The following IMPA1 variants were observed in gnomAD, a reference collection of about 807,000 sequenced individuals.
IMPA1 encodes the protein inositol monophosphatase 1.
IMPA1 carries 21 observed loss-of-function variants against 34.9 expected under a neutral mutation model. The observed-to-expected ratio is 0.60, with a 90% CI of 0.43 to 0.87. IMPA1 has a LOEUF of 0.87. IMPA1 is among the 40% of genes least tolerant of loss of function. The probability of loss-of-function intolerance (pLI) is 0.00; values close to 1 mark genes in which losing one functional copy is unlikely to be tolerated. For missense variants in IMPA1, 299 were observed against 336.4 expected (o/e 0.89, Z 0.87); for synonymous variants, 95 against 104.4 (o/e 0.91, Z 0.55).
In IMPA1 at chr8:81,674,491, G is replaced by C. The variant is rs577174393; in HGVS notation, c.349-542C>G. 40 of 250,286 alleles carry C rather than the reference G, an allele frequency of 1.6e-4. No individual in the cohort carries two copies. In the South Asian group the frequency reaches 1.7e-3, roughly 11 times the overall value. The allele number at this position is 250,286 out of a possible 1,614,324, so 15.5% of individuals were successfully genotyped here. A position where few individuals can be genotyped will look rare whatever the true frequency, so the allele number is the denominator to read the frequency against. ...CATTCTTCTGAAAGTCCCACAAAGAGAGTATCAACAAACTTTCTTTGTTGC... is the reference window on the plus strand; with the variant it reads ...CATTCTTCTGAAAGTCCCACAAAGACAGTATCAACAAACTTTCTTTGTTGC... On this transcript the variant is annotated intron_variant, in intron 5 of 8. Transcript: ENST00000256108.
chr8:81,683,634 T>TAA (rs1807369166), intron 1 of IMPA1, among the ~76,000 whole-genome samples: 2 of 151,968 alleles, frequency 1.3e-5, no homozygotes, highest in South Asian at 4.2e-4. Context: ...GATCAGGAGT[T>TAA]TAATTAGCGG....
At chr8:81,676,077 C>T (rs1807122308) in intron 5 of IMPA1, among the ~76,000 whole-genome samples, 157 bp downstream of exon 5, 1 of 152,116 alleles carries the variant, frequency 6.6e-6, no homozygotes, top group African/African-American at 2.4e-5. Flanking sequence ...GCAAATGTAT[C>T]ATGAAAATTT....
In IMPA1 at chr8:81,673,962, A is replaced by G. The variant is rs1438749499; in HGVS notation, c.349-13T>C. 2.0e-6 allele frequency: 3 copies of G among 1,530,022 alleles called. No homozygotes were observed. Among genetic ancestry groups the G allele is most frequent in the African/African-American group, 1.4e-5 (1 of 73,310 alleles). The allele number at this position is 1,530,022 out of a possible 1,614,324, so 94.8% of individuals were successfully genotyped here. On this transcript the variant is annotated splice_polypyrimidine_tract_variant and intron_variant, in intron 5 of 8. Transcript: ENST00000256108. Reference sequence around the variant, plus strand: ...CTCCAAATTCTATCTGCAGAGGAAAACAAGTTTCCTTTACCAAACCTAAGT... The same window carrying G: ...CTCCAAATTCTATCTGCAGAGGAAAGCAAGTTTCCTTTACCAAACCTAAGT...
chr8:81,676,387 G>T, intron 4 of IMPA1, 108 bp from the exon 5 acceptor site: 1 of 511,220 alleles, frequency 2.0e-6, no homozygotes, highest in Non-Finnish European at 3.4e-6. Flanking sequence ...CCTATAAAAA[G>T]TCTCATCTCC....
At chr8:81,665,794 G>A (rs1172371037) in intron 7 of IMPA1, among the ~76,000 whole-genome samples, 1 of 152,156 alleles carries the variant, frequency 6.6e-6, no homozygotes, top group African/African-American at 2.4e-5. Context: ...TACAAAGCAA[G>A]GCAACAGTGA....
Position 81,659,151 on chromosome 8 carries a change from A to T in IMPA1, c.*200T>A. 1.8e-6 allele frequency: 1 copy of T among 571,138 alleles called. No homozygotes were observed. Among genetic ancestry groups the T allele is most frequent in the East Asian group, 3.1e-5 (1 of 32,574 alleles). The allele number at this position is 571,138 out of a possible 1,614,324, so 35.4% of individuals were successfully genotyped here. On this transcript the variant is annotated 3_prime_UTR_variant, in exon 9 of 9. Transcript: ENST00000256108. Reference sequence around the variant, plus strand: ...TTTCCTAAAGTACATTCTTACATGCAAAATTTTTTAAATCAGTGAAACAAA... The same window carrying T: ...TTTCCTAAAGTACATTCTTACATGCTAAATTTTTTAAATCAGTGAAACAAA...
Position 81,657,589 on chromosome 8 carries a change from AAAAAC to A in IMPA1, c.*1757_*1761del, listed in dbSNP as rs1194905049. Among the ~76,000 whole-genome samples, 4 of 152,140 alleles carry A rather than the reference AAAAAC, an allele frequency of 2.6e-5. No homozygotes were observed. Among genetic ancestry groups the A allele is most frequent in the Non-Finnish European group, 4.4e-5 (3 of 68,024 alleles). ...GAGCAAGACACTGTCTTCAAAAAAC[AAAAAC>A]AAAACAAAGCCTCTAAAAGTAGTTT... On this transcript the variant is annotated 3_prime_UTR_variant, in exon 9 of 9. Transcript: ENST00000256108.
rs545249804 is a variant in IMPA1 at position 81,666,124 on chromosome 8, T to C, written c.566+4815A>G. Among the ~76,000 whole-genome samples, 134 of 152,016 alleles carry C rather than the reference T, an allele frequency of 8.8e-4. 2 individuals are homozygous for C. The South Asian group carries it at 0.018, about 20-fold the overall frequency. On this transcript the variant is annotated intron_variant, in intron 7 of 8. Transcript: ENST00000256108. ...AGTAGACAGAATGCAACTTTAAAAA[T>C]GGGATAAAGAGAGAGAAAAGGGGAA...
chr8:81,674,766 CA>C, intron 5 of IMPA1: 1 of 453,574 alleles, frequency 2.2e-6, no homozygotes. Context: ...TGGTTTTTTA[CA>C]GTCCACAAAT....
chr8:81,674,852 A>C, intron 5 of IMPA1: 1 of 455,946 alleles, frequency 2.2e-6, no homozygotes, highest in Middle Eastern at 3.3e-4. Context: ...AGAATTTCAA[A>C]GACAAAATCA....
chr8:81,674,646 T>C, intron 5 of IMPA1: 2 of 355,572 alleles, frequency 5.6e-6, no homozygotes, highest in South Asian at 4.3e-5. Flanking sequence ...TCAGTTATGA[T>C]TTTAGAACAT....
At position 81,685,941 on chromosome 8, in the gene IMPA1, G is replaced by A. The variant is rs565299404; in HGVS notation, c.-25+311C>T. On this transcript the variant is annotated intron_variant, in intron 1 of 8. Coordinates refer to ENST00000256108, the MANE Select transcript of IMPA1 (RefSeq NM_005536.4). ...CACTTAGAGTGACTACCTGGGCCTGGGGATGCACCAAGTTTCTAGGAGCTT... is the reference window on the plus strand; with the variant it reads ...CACTTAGAGTGACTACCTGGGCCTGAGGATGCACCAAGTTTCTAGGAGCTT... 24 of 1,526,998 alleles carry A rather than the reference G, an allele frequency of 1.6e-5. No individual in the cohort carries two copies. In the African/African-American group the frequency reaches 2.6e-4, roughly 17 times the overall value. 94.6% of individuals were successfully genotyped at this position (1,526,998 alleles called of 1,614,324 possible).
chr8:81,684,004 G>GA (rs1304917196), intron 1 of IMPA1, among the ~76,000 whole-genome samples: 1 of 151,906 alleles, frequency 6.6e-6, no homozygotes, highest in Non-Finnish European at 1.5e-5. Context: ...GTAGGTCAGA[G>GA]AATTTCTTCA....
At chr8:81,670,224 G>A (rs887060202) in intron 7 of IMPA1, among the ~76,000 whole-genome samples, 2 of 151,624 alleles carry the variant, frequency 1.3e-5, no homozygotes, top group Non-Finnish European at 2.9e-5. Flanking sequence ...GCAAATTACA[G>A]AATTTATGAA....
chr8:81,672,263 G>GT (rs1379031345), intron 6 of IMPA1, among the ~76,000 whole-genome samples: 3 of 152,218 alleles, frequency 2.0e-5, no homozygotes, highest in African/African-American at 7.2e-5. Context: ...TGGAAGAACA[G>GT]TAACTCAAAA....
At chr8:81,666,638 C>T (rs1009144954) in intron 7 of IMPA1, among the ~76,000 whole-genome samples, 1 of 152,066 alleles carries the variant, frequency 6.6e-6, no homozygotes, top group Non-Finnish European at 1.5e-5. Flanking sequence ...CTTTGGGAGG[C>T]AGAGGTGGGT....
In IMPA1 at chr8:81,660,568, T is replaced by G; in HGVS notation, c.666A>C (p.Ala222=). The change falls in exon 8 of 9, where the codon GCA becomes GCC. Residue 222 remains alanine, a synonymous_variant. Transcript: ENST00000256108. ...CTTCAGTAACAATAATGCCAGCTCC[T>G]GCAACATCCCAGCAGTGAATTCCCA... The part of the protein sequence containing the change: ...YEMGIHCWDV[A]GAGIIVTEAG... 6.2e-7 allele frequency: 1 copy of G among 1,613,942 alleles called. No homozygotes were observed. Among genetic ancestry groups the G allele is most frequent in the African/African-American group, 1.3e-5 (1 of 75,066 alleles).
intron 8 of IMPA1, 91 bp from the exon 9 acceptor site, chr8:81,659,557 A>G: frequency 1.4e-6 from 1 of 691,872 alleles, no homozygotes; most frequent in Non-Finnish European, 2.5e-6. Flanking sequence ...TGGTCACATA[A>G]CATTTTAATA....
chr8:81,674,600 T>C (rs1807078506), intron 5 of IMPA1: 1 of 329,740 alleles, frequency 3.0e-6, no homozygotes, highest in Non-Finnish European at 6.0e-6. Context: ...GCTCCCACCA[T>C]TATTCTCTTA....
Sources: allele counts gnomAD v4.1 joint callset (sites outside exome capture counted in the v4.1 genomes callset), GRCh38; gene constraint gnomAD v4.1.1; transcripts MANE v1.5; gene names NCBI Gene and HGNC (gene_info 2026-07-23, HGNC 2026-07-21).